Variants in ZFPM2 observed in about 807,000 individuals in gnomAD.
The protein encoded by ZFPM2 is zinc finger protein, FOG family member 2.
A neutral mutation model predicts 98.6 loss-of-function variants in ZFPM2; 20 were observed. The observed-to-expected ratio is 0.20, with a 90% CI of 0.14 to 0.29. The LOEUF (loss-of-function observed/expected upper bound fraction) is 0.29. ZFPM2 is among the 10% of genes least tolerant of loss of function. The probability of loss-of-function intolerance (pLI) is 1.00; values close to 1 mark genes in which losing one functional copy is unlikely to be tolerated. For missense variants in ZFPM2, 1,310 were observed against 1,388.6 expected, an observed-to-expected ratio of 0.94 and a Z score of 0.90; for synonymous variants, 518 against 502.7, an observed-to-expected ratio of 1.03 and a Z score of -0.41.
intron 1 of ZFPM2, among the ~76,000 whole-genome samples, chr8:105,400,033 G>T (rs1811305896): frequency 6.6e-6 from 1 of 152,078 alleles, no homozygotes; most frequent in South Asian, 2.1e-4. Context: ...CTCCCAAAGT[G>T]CTAGGATTAC....
chr8:105,438,774 C>T (rs1386015258), intron 2 of ZFPM2, among the ~76,000 whole-genome samples: 1 of 152,124 alleles, frequency 6.6e-6, no homozygotes, highest in Non-Finnish European at 1.5e-5. Context: ...TCAGTCCCCC[C>T]ACTGAAATAC....
chr8:105,481,567 G>T (rs2130386553), intron 3 of ZFPM2, among the ~76,000 whole-genome samples: 1 of 152,144 alleles, frequency 6.6e-6, no homozygotes, highest in East Asian at 1.9e-4. Flanking sequence ...TTCTGTAAAG[G>T]CCCTATATTC....
chr8:105,415,389 T>G (rs747797961), intron 1 of ZFPM2, among the ~76,000 whole-genome samples: 1 of 152,036 alleles, frequency 6.6e-6, no homozygotes, highest in Non-Finnish European at 1.5e-5. Flanking sequence ...TCAGAAGCAA[T>G]TGAAGAGCTG....
intron 3 of ZFPM2, among the ~76,000 whole-genome samples, chr8:105,560,131 C>G (rs77524307): frequency 2.2e-5 from 3 of 136,722 alleles, no homozygotes; most frequent in African/African-American, 8.4e-5. Context: ...CTCTTGAACG[C>G]GAGAGGCAGC....
At chr8:105,540,443 G>A (rs1814551916) in intron 3 of ZFPM2, among the ~76,000 whole-genome samples, 1 of 152,108 alleles carries the variant, frequency 6.6e-6, no homozygotes, top group Non-Finnish European at 1.5e-5. Context: ...ATCTAGCTTA[G>A]TAGATGGCTC....
chr8:105,350,586 A>G (rs1193618889), intron 1 of ZFPM2, among the ~76,000 whole-genome samples: 1 of 152,284 alleles, frequency 6.6e-6, no homozygotes, highest in East Asian at 1.9e-4. Flanking sequence ...TGTCTTTCTT[A>G]GGATAGGGAG....
chr8:105,688,694 C>T (rs538890733), intron 5 of ZFPM2, among the ~76,000 whole-genome samples: 1 of 152,154 alleles, frequency 6.6e-6, no homozygotes, highest in African/African-American at 2.4e-5. Context: ...TATACATTTA[C>T]ATACATATAC....
At chr8:105,391,577 CAAT>C (rs1811110437) in intron 1 of ZFPM2, among the ~76,000 whole-genome samples, 1 of 151,708 alleles carries the variant, frequency 6.6e-6, no homozygotes, top group South Asian at 2.1e-4. Flanking sequence ...TATGCGTCGT[CAAT>C]AATGTCTATA....
At chr8:105,597,312 G>A (rs1309802825) in intron 4 of ZFPM2, among the ~76,000 whole-genome samples, 2 of 151,904 alleles carry the variant, frequency 1.3e-5, no homozygotes, top group Non-Finnish European at 2.9e-5. Flanking sequence ...ACAAAATTTG[G>A]GTGAAAGTAA....
chr8:105,460,149 G>T (rs1812676856), intron 3 of ZFPM2, among the ~76,000 whole-genome samples: 1 of 152,152 alleles, frequency 6.6e-6, no homozygotes, highest in Non-Finnish European at 1.5e-5. Context: ...AGCTGTTTGG[G>T]TATCACTTCA....
chr8:105,433,044 G>T (rs2130151377), intron 2 of ZFPM2, among the ~76,000 whole-genome samples: 1 of 152,106 alleles, frequency 6.6e-6, no homozygotes. Flanking sequence ...AGGTTACAGT[G>T]AACTGATTGC....
chr8:105,645,915 T>G (rs1289653455), intron 5 of ZFPM2, among the ~76,000 whole-genome samples: 1 of 151,822 alleles, frequency 6.6e-6, no homozygotes, highest in African/African-American at 2.4e-5. Flanking sequence ...TAACTGGGCA[T>G]GGTGGCACAC....
chr8:105,477,233 C>T (rs1285461640), intron 3 of ZFPM2, among the ~76,000 whole-genome samples: 1 of 140,108 alleles, frequency 7.1e-6, no homozygotes, highest in African/African-American at 2.6e-5. Context: ...TTTCTGCTAG[C>T]AATCTTTTTT....
At chr8:105,548,469 T>A (rs1586454513) in intron 3 of ZFPM2, among the ~76,000 whole-genome samples, 1 of 152,104 alleles carries the variant, frequency 6.6e-6, no homozygotes, top group East Asian at 1.9e-4. Context: ...GTCTTAAAAC[T>A]GTTTTTTTTT....
At chr8:105,760,106 A>G (rs1812703278) in intron 5 of ZFPM2, among the ~76,000 whole-genome samples, 1 of 151,954 alleles carries the variant, frequency 6.6e-6, no homozygotes, top group South Asian at 2.1e-4. Flanking sequence ...TGCTCAGGGA[A>G]GACTTCTTGG....
At chr8:105,473,523 C>T (rs1327267899) in intron 3 of ZFPM2, among the ~76,000 whole-genome samples, 1 of 152,062 alleles carries the variant, frequency 6.6e-6, no homozygotes, top group South Asian at 2.1e-4. Context: ...TTTAGTGATT[C>T]GAGATCTATT....
At chr8:105,365,717 A>G (rs1372545310) in intron 1 of ZFPM2, among the ~76,000 whole-genome samples, 1 of 152,164 alleles carries the variant, frequency 6.6e-6, no homozygotes, top group Non-Finnish European at 1.5e-5. Flanking sequence ...CTTTTAGTCC[A>G]GTCAGAATGG....
At chr8:105,423,960 C>T (rs982205776) in intron 2 of ZFPM2, among the ~76,000 whole-genome samples, 21 of 152,080 alleles carry the variant, frequency 1.4e-4, no homozygotes, top group African/African-American at 4.8e-4. Context: ...ATCAATGTCA[C>T]TGGTTGCTAG....
chr8:105,786,483 AACTG>A (rs1283014683), intron 5 of ZFPM2, among the ~76,000 whole-genome samples: 1 of 152,240 alleles, frequency 6.6e-6, no homozygotes. Flanking sequence ...ATCCAAAGAT[AACTG>A]ACTTTCTTTT....
Sources: allele counts gnomAD v4.1 joint callset (sites outside exome capture counted in the v4.1 genomes callset), GRCh38; gene constraint gnomAD v4.1.1; transcripts MANE v1.5; gene names NCBI Gene and HGNC (gene_info 2026-07-23, HGNC 2026-07-21).